Variants in DMXL2 observed in about 807,000 individuals in gnomAD.
The protein encoded by DMXL2 is Dmx like 2, also known as dmX-like protein 2.
DMXL2 carries 103 observed loss-of-function variants against 331.1 expected under a neutral mutation model. The observed-to-expected ratio is 0.31, with a 90% CI of 0.27 to 0.37. The LOEUF is 0.37. Among genes scored for constraint, DMXL2 ranks in the 10% least tolerant of loss-of-function variants. DMXL2 has a pLI of 1.00. For missense variants in DMXL2, 3,171 were observed against 3,642.9 expected (o/e 0.87, Z 3.33); for synonymous variants, 1,281 against 1,252.1 (o/e 1.02, Z -0.49).
At chr15:51,570,668 GA>G (rs1225939427) in intron 2 of DMXL2, among the ~76,000 whole-genome samples, 1 of 152,116 alleles carries the variant, frequency 6.6e-6, no homozygotes, top group Non-Finnish European at 1.5e-5. Context: ...TTTCAACCCA[GA>G]ATTTCATATC....
chr15:51,506,352 C>T (rs2046397245), intron 16 of DMXL2, among the ~76,000 whole-genome samples: 1 of 152,132 alleles, frequency 6.6e-6, no homozygotes, highest in Non-Finnish European at 1.5e-5. Context: ...CATGAGCCAC[C>T]ATGCCCATGC....
intron 14 of DMXL2, among the ~76,000 whole-genome samples, chr15:51,516,658 T>C (rs1450588102): frequency 6.6e-6 from 1 of 152,232 alleles, no homozygotes; most frequent in African/African-American, 2.4e-5. Flanking sequence ...TTTACTTAAA[T>C]AGCTTTTGGG....
At chr15:51,556,839 T>C (rs532565374) in intron 6 of DMXL2, among the ~76,000 whole-genome samples, 1 of 152,290 alleles carries the variant, frequency 6.6e-6, no homozygotes, top group African/African-American at 2.4e-5. Flanking sequence ...CTATATCGTT[T>C]GTGGTTTAGA....
intron 12 of DMXL2, 72 bp downstream of exon 12, chr15:51,536,094 T>C (rs1000025138): frequency 2.2e-5 from 29 of 1,318,030 alleles, no homozygotes; most frequent in Non-Finnish European, 2.8e-5. Context: ...ACAACAAATA[T>C]AAACCATTTC....
At chr15:51,552,907 T>C (rs1432834202) in intron 6 of DMXL2, among the ~76,000 whole-genome samples, 1 of 152,206 alleles carries the variant, frequency 6.6e-6, no homozygotes, top group East Asian at 1.9e-4. Context: ...CACTCCAGCT[T>C]TCTGTTGCTC....
intron 16 of DMXL2, 25 bp from the exon 17 acceptor site, chr15:51,503,058 C>T (rs1349947695): frequency 2.1e-6 from 3 of 1,449,626 alleles, no homozygotes; most frequent in Admixed American, 1.8e-5. Context: ...TATAAAATTA[C>T]AAAATGTATG....
intron 17 of DMXL2, among the ~76,000 whole-genome samples, chr15:51,502,046 C>T (rs542240341): frequency 8.6e-5 from 13 of 151,216 alleles, no homozygotes; most frequent in South Asian, 4.2e-4. Flanking sequence ...CTGGCTAACA[C>T]GGTGAAACCC....
intron 28 of DMXL2, among the ~76,000 whole-genome samples, chr15:51,473,943 G>C (rs979645785): frequency 1.3e-5 from 2 of 151,696 alleles, no homozygotes; most frequent in Non-Finnish European, 2.9e-5. Flanking sequence ...ATGCGCTAAA[G>C]ATTTTGAACA....
In DMXL2 at chr15:51,474,345, T is replaced by A; in HGVS notation, c.7212A>T (p.Ser2404=). 6 of 1,604,202 alleles carry A rather than the reference T, an allele frequency of 3.7e-6. No individual in the cohort carries two copies. Among genetic ancestry groups the A allele is most frequent in the Non-Finnish European group, 4.3e-6 (5 of 1,171,990 alleles). The change falls in exon 28 of 44, where the codon TCA becomes TCT. Residue 2404 remains serine (S), a splice_region_variant and synonymous_variant. Coordinates refer to ENST00000560891, the MANE Select transcript of DMXL2 (RefSeq NM_001378457.1). ...TTACTGGTATCAAACGTATCTTACC[T>A]GAAATATTTTCTGATTGTCTTCGAG... The part of the protein sequence containing the change: ...VKPRRQSENI[S]APPVLSEDID...
At chr15:51,465,766 C>G (rs866354956) in intron 30 of DMXL2, 115 bp from the exon 31 acceptor site, 1 of 763,034 alleles carries the variant, frequency 1.3e-6, no homozygotes, top group East Asian at 2.9e-5. Context: ...AAAAAGCTGT[C>G]ATTGAAATTT....
chr15:51,515,563 G>C (rs1268720127), intron 14 of DMXL2, among the ~76,000 whole-genome samples: 1 of 152,108 alleles, frequency 6.6e-6, no homozygotes, highest in Non-Finnish European at 1.5e-5. Flanking sequence ...ACAAACAATA[G>C]ATGAAAGTAA....
chr15:51,517,850 C>T (rs2047122420), intron 13 of DMXL2, among the ~76,000 whole-genome samples: 1 of 152,118 alleles, frequency 6.6e-6, no homozygotes, highest in Non-Finnish European at 1.5e-5. Flanking sequence ...TAAGTACAAG[C>T]ATATACACTG....
intron 13 of DMXL2, among the ~76,000 whole-genome samples, chr15:51,520,896 G>A (rs963470082): frequency 2.0e-5 from 3 of 152,116 alleles, no homozygotes; most frequent in Middle Eastern, 6.8e-3. Context: ...ACATAAATGG[G>A]AGTAAAAACA....
In DMXL2 at chr15:51,476,692, T is replaced by C. The variant is rs2041611230; in HGVS notation, c.6861A>G (p.Thr2287=). 2 of 1,605,780 alleles carry C rather than the reference T, an allele frequency of 1.2e-6. No homozygotes were observed. Among genetic ancestry groups the C allele is most frequent in the African/African-American group, 1.3e-5 (1 of 74,428 alleles). The part of the protein sequence containing the change: ...YSSQTEGNQF[T]GMAYQGLLLS... ...AAAGAAGTCCTTGATAAGCCATTCC[T>C]GTAAACTGATTTCCTTCTGTTTGAC... The change falls in exon 27 of 44, where the codon ACA becomes ACG. Residue 2287 remains threonine (T), a synonymous_variant. Transcript: ENST00000560891.
intron 11 of DMXL2, 36 bp from the exon 12 acceptor site, chr15:51,536,898 T>C: frequency 6.7e-7 from 1 of 1,487,886 alleles, no homozygotes; most frequent in Non-Finnish European, 9.0e-7. Flanking sequence ...GTGCAAATAG[T>C]TTACCTCCTC....
intron 23 of DMXL2, among the ~76,000 whole-genome samples, chr15:51,483,538 C>T (rs139036690): frequency 1.7e-3 from 252 of 152,308 alleles, no homozygotes; most frequent in Non-Finnish European, 3.0e-3. Context: ...CAAACCACTA[C>T]ATACATACCC....
intron 28 of DMXL2, among the ~76,000 whole-genome samples, chr15:51,473,596 T>A (rs540760345): frequency 6.6e-6 from 1 of 152,320 alleles, no homozygotes; most frequent in South Asian, 2.1e-4. Flanking sequence ...GAGGTTAGTG[T>A]CATTAAACTT....
chr15:51,621,338 C>T (rs2054612938), intron 1 of DMXL2, among the ~76,000 whole-genome samples: 1 of 152,214 alleles, frequency 6.6e-6, no homozygotes, highest in Admixed American at 6.5e-5. Context: ...TGCAGTTTTG[C>T]TGAAGCTTTA....
intron 1 of DMXL2, among the ~76,000 whole-genome samples, chr15:51,604,517 T>G (rs1251770959): frequency 6.6e-6 from 1 of 152,116 alleles, no homozygotes; most frequent in Non-Finnish European, 1.5e-5. Flanking sequence ...AAGATACCAT[T>G]TTAACATAGG....
Sources: allele counts gnomAD v4.1 joint callset (sites outside exome capture counted in the v4.1 genomes callset), GRCh38; gene constraint gnomAD v4.1.1; transcripts MANE v1.5; gene names NCBI Gene and HGNC (gene_info 2026-07-23, HGNC 2026-07-21).